The following TRERF1 variants were observed in gnomAD, a reference collection of about 807,000 sequenced individuals.
TRERF1 encodes transcriptional-regulating factor 1.
In TRERF1, 27 loss-of-function variants were observed where a neutral mutation model predicts 122.9. That is an observed-to-expected ratio of 0.22 (90% confidence interval 0.16 to 0.30). The LOEUF (loss-of-function observed/expected upper bound fraction) is 0.30. TRERF1 is among the 10% of genes least tolerant of loss of function. The probability of loss-of-function intolerance (pLI) is 1.00; values close to 1 mark genes in which losing one functional copy is unlikely to be tolerated. For missense variants in TRERF1, 1,248 were observed against 1,560.3 expected (o/e 0.80, Z 3.37); for synonymous variants, 636 against 641.7 (o/e 0.99, Z 0.13).
intron 3 of TRERF1, among the ~76,000 whole-genome samples, chr6:42,308,343 T>C (rs1043907258): frequency 2.0e-5 from 3 of 152,012 alleles, no homozygotes; most frequent in Non-Finnish European, 4.4e-5. Context: ...GAAAACAGGG[T>C]GTTAAGTGAA....
At chr6:42,434,120 G>A (rs1367367052) in intron 2 of TRERF1, among the ~76,000 whole-genome samples, 2 of 151,930 alleles carry the variant, frequency 1.3e-5, no homozygotes, top group East Asian at 3.9e-4. Flanking sequence ...TGGGTCAGTA[G>A]AAAAAAATAC....
intron 3 of TRERF1, among the ~76,000 whole-genome samples, chr6:42,311,497 G>T (rs550834473): frequency 3.9e-5 from 6 of 152,052 alleles, no homozygotes; most frequent in Admixed American, 3.9e-4. Flanking sequence ...GGGCGCGGTG[G>T]CTCACTCCTG....
chr6:42,345,660 T>G (rs1768123461), intron 3 of TRERF1, among the ~76,000 whole-genome samples: 1 of 152,254 alleles, frequency 6.6e-6, no homozygotes, highest in African/African-American at 2.4e-5. Context: ...AACTAATACA[T>G]AAAGTGCAGT....
At chr6:42,296,315 A>C (rs1785104136) in intron 4 of TRERF1, among the ~76,000 whole-genome samples, 1 of 152,206 alleles carries the variant, frequency 6.6e-6, no homozygotes, top group Non-Finnish European at 1.5e-5. Context: ...CCACATTTAC[A>C]TTAGATTTCT....
At chr6:42,253,285 G>T (rs1371333686) in intron 13 of TRERF1, among the ~76,000 whole-genome samples, 1 of 152,118 alleles carries the variant, frequency 6.6e-6, no homozygotes, top group Non-Finnish European at 1.5e-5. Context: ...CAGCCCAGAG[G>T]CTCTGGCGAC....
At chr6:42,252,664 G>C (rs1183062125) in intron 13 of TRERF1, among the ~76,000 whole-genome samples, 1 of 152,212 alleles carries the variant, frequency 6.6e-6, no homozygotes, top group African/African-American at 2.4e-5. Flanking sequence ...AGCAAATGAG[G>C]GGGTTCAGCA....
intron 15 of TRERF1, 128 bp from the exon 16 acceptor site, chr6:42,236,539 T>C: frequency 5.1e-6 from 7 of 1,369,398 alleles, no homozygotes; most frequent in East Asian, 5.0e-5. Flanking sequence ...TCTTTCTGCA[T>C]AAGGAATGGT....
chr6:42,288,573 C>CAA (rs1783688525), intron 4 of TRERF1, among the ~76,000 whole-genome samples: 2 of 68,598 alleles, frequency 2.9e-5, no homozygotes, highest in South Asian at 4.0e-4. Flanking sequence ...CATCTCAAAA[C>CAA]CAAAAAAAAA....
chr6:42,264,963 G>C, intron 6 of TRERF1, 109 bp from the exon 7 acceptor site: 3 of 1,230,828 alleles, frequency 2.4e-6, no homozygotes, highest in Non-Finnish European at 2.3e-6. Context: ...TTCATCCAAT[G>C]ATCCCATTGT....
At chr6:42,436,814 A>AAAATATATATATATAT (rs61427173) in intron 2 of TRERF1, among the ~76,000 whole-genome samples, 4 of 66,686 alleles carry the variant, frequency 6.0e-5, no homozygotes, top group East Asian at 1.1e-3. Flanking sequence ...AAAAAAAAAA[A>AAAATATATATATATAT]ATATATATAT....
rs140024220 is a variant in TRERF1, at chr6:42,289,314, G to A, written c.-259+11324C>T. On this transcript the variant is annotated intron_variant, in intron 4 of 17. Transcript: ENST00000372922. ...GCGCTCCAGCCCAGCCTGGGTGACAGAGTGAGACTCTGTCTCAAAAAAAAC... is the reference window on the plus strand; with the variant it reads ...GCGCTCCAGCCCAGCCTGGGTGACAAAGTGAGACTCTGTCTCAAAAAAAAC... Among the ~76,000 whole-genome samples, 371 of 149,980 alleles carry A rather than the reference G, an allele frequency of 2.5e-3. 2 individuals are homozygous for A. The highest frequency in any genetic ancestry group is 8.8e-3 in the African/African-American group (356 of 40,500).
intron 3 of TRERF1, among the ~76,000 whole-genome samples, chr6:42,358,511 C>A (rs1229203462): frequency 1.3e-5 from 2 of 152,222 alleles, no homozygotes; most frequent in African/African-American, 2.4e-5. Flanking sequence ...GCACCTGACA[C>A]CTGGAGGGCA....
intron 2 of TRERF1, among the ~76,000 whole-genome samples, chr6:42,420,567 T>C (rs968284287): frequency 6.6e-6 from 1 of 152,248 alleles, no homozygotes; most frequent in Non-Finnish European, 1.5e-5. Flanking sequence ...ATAAAGTTAA[T>C]TCATGCTTAT....
At position 42,268,701 on chromosome 6, in the gene TRERF1, G is replaced by C; in HGVS notation, c.890C>G (p.Pro297Arg). 1 of 1,614,148 alleles carries C rather than the reference G, an allele frequency of 6.2e-7. No individual in the cohort carries two copies. Among genetic ancestry groups the C allele is most frequent in the Non-Finnish European group, 8.5e-7 (1 of 1,180,022 alleles). ...CTGTGGCGGCGGCTGTGGCTGTGATGGGCGAATTTGTTGCGGCTGCGTCTG... is the reference window on the plus strand; with the variant it reads ...CTGTGGCGGCGGCTGTGGCTGTGATCGGCGAATTTGTTGCGGCTGCGTCTG... The change falls in exon 5 of 18, where the codon CCA becomes CGA. Residue 297 changes from proline (P) to arginine (R), a missense_variant. Pro to Arg is a moderately radical substitution (Grantham distance 103). Transcript: ENST00000372922. This position sits in a 1 kb window ranked among gnomAD's most constrained non-coding sequence, Gnocchi z 4.4.
chr6:42,295,992 G>A (rs962107031), intron 4 of TRERF1, among the ~76,000 whole-genome samples: 9 of 152,198 alleles, frequency 5.9e-5, no homozygotes, highest in South Asian at 4.1e-4. Flanking sequence ...GGACATTCAC[G>A]ACCCTTCTCC....
At chr6:42,423,822 G>A (rs553936936) in intron 2 of TRERF1, among the ~76,000 whole-genome samples, 2 of 152,032 alleles carry the variant, frequency 1.3e-5, no homozygotes, top group Admixed American at 6.6e-5. Context: ...CATTGTACTT[G>A]GGGAGCTTGT....
At chr6:42,251,867 C>T (rs1775884623) in intron 13 of TRERF1, among the ~76,000 whole-genome samples, 1 of 152,152 alleles carries the variant, frequency 6.6e-6, no homozygotes. Context: ...GAACACTTGC[C>T]AAGAAGCCAG....
At chr6:42,425,166 G>A (rs887186607) in intron 2 of TRERF1, among the ~76,000 whole-genome samples, 10 of 152,168 alleles carry the variant, frequency 6.6e-5, no homozygotes, top group African/African-American at 2.4e-4. Flanking sequence ...TCTGGAACTG[G>A]AGCGATTAGC....
chr6:42,263,163 T>A lies in TRERF1; in HGVS notation c.1884+157A>T, dbSNP rs1324445706. 4.3e-6 allele frequency: 6 copies of A among 1,404,936 alleles called. No homozygotes were observed. Among genetic ancestry groups the A allele is most frequent in the Middle Eastern group, 2.6e-4 (1 of 3,788 alleles). 87.0% of individuals were successfully genotyped at this position (1,404,936 alleles called of 1,614,324 possible). A position where few individuals can be genotyped will look rare whatever the true frequency, so the allele number is the denominator to read the frequency against. ...TTCAGCCCTGAGAGACCAAGCCGTA[T>A]CCAAGCTCAGGTCAGTGACTCTGGA... On this transcript the variant is annotated intron_variant, in intron 8 of 17. Transcript: ENST00000372922. The surrounding 1 kb of genome is among the most constrained non-coding windows in gnomAD (Gnocchi z 5.6).
Sources: allele counts gnomAD v4.1 joint callset (sites outside exome capture counted in the v4.1 genomes callset), GRCh38; gene constraint gnomAD v4.1.1; non-coding constraint Gnocchi (gnomAD v3.1); transcripts MANE v1.5; gene names NCBI Gene and HGNC (gene_info 2026-07-23, HGNC 2026-07-21).